The following IKZF3 variants were observed in gnomAD, a reference collection of about 807,000 sequenced individuals.
IKZF3 encodes the protein zinc finger protein Aiolos.
A neutral mutation model predicts 49.0 loss-of-function variants in IKZF3; 10 were observed. That is an observed-to-expected ratio of 0.20 (90% CI 0.13 to 0.35). IKZF3 has a LOEUF of 0.35. IKZF3 is among the 10% of genes least tolerant of loss of function. The probability of loss-of-function intolerance (pLI) is 1.00; values close to 1 mark genes in which losing one functional copy is unlikely to be tolerated. For synonymous variants in IKZF3, 209 were observed against 228.2 expected, an observed-to-expected ratio of 0.92 and a Z score of 0.76; for missense variants, 498 against 664.8, an observed-to-expected ratio of 0.75 and a Z score of 2.76.
intron 4 of IKZF3, 120 bp from the exon 5 acceptor site, chr17:39,791,703 G>GTAA: frequency 2.0e-6 from 2 of 1,006,050 alleles, no homozygotes; most frequent in South Asian, 1.6e-5. Context: ...ATTGGGATCA[G>GTAA]TTGGGAGCTG....
In IKZF3 at chr17:39,764,615, CTT is replaced by C. The variant is rs2060248618; in HGVS notation, c.*1173_*1174del. 6.6e-6 allele frequency: 1 copy of C among 152,088 alleles called. No homozygotes were observed. The highest frequency in any genetic ancestry group is 1.5e-5 in the Non-Finnish European group (1 of 68,024). The allele number at this position is 152,088 out of a possible 1,614,324, so 9.4% of individuals were successfully genotyped here. On this transcript the variant is annotated 3_prime_UTR_variant, in exon 8 of 8. Transcript: ENST00000346872. ...TACATATTATGAGTGACAAGGATGA[CTT>C]ATACATCTGCAGAACCGTGATCAGA...
At chr17:39,826,918 G>A (rs1206922114) in intron 3 of IKZF3, among the ~76,000 whole-genome samples, 1 of 152,196 alleles carries the variant, frequency 6.6e-6, no homozygotes, top group East Asian at 1.9e-4. Flanking sequence ...ATTCCCCAGG[G>A]GGAAGACCCC....
chr17:39,864,005 T>C, intron 1 of IKZF3, 115 bp downstream of exon 1: 1 of 1,381,504 alleles, frequency 7.2e-7, no homozygotes, highest in Non-Finnish European at 1.0e-6. Flanking sequence ...ATATTTACTT[T>C]TGACAAAAGA....
intron 7 of IKZF3, among the ~76,000 whole-genome samples, chr17:39,771,213 G>A (rs1172538088): frequency 2.0e-5 from 3 of 152,226 alleles, no homozygotes; most frequent in African/African-American, 7.2e-5. Flanking sequence ...TGCTGTGATG[G>A]TTCCCATAGC....
At chr17:39,777,910 C>T (rs1249383279) in intron 6 of IKZF3, 143 bp from the exon 7 acceptor site, 1 of 1,388,850 alleles carries the variant, frequency 7.2e-7, no homozygotes. Flanking sequence ...AGATTCTTGC[C>T]TGGGGTACCT....
intron 6 of IKZF3, among the ~76,000 whole-genome samples, chr17:39,786,488 C>T (rs773779228): frequency 2.6e-5 from 4 of 152,300 alleles, no homozygotes; most frequent in South Asian, 4.1e-4. Flanking sequence ...GCCTACATTC[C>T]GTCCTTGAGC....
At chr17:39,821,479 G>T (rs1462066036) in intron 3 of IKZF3, among the ~76,000 whole-genome samples, 3 of 152,144 alleles carry the variant, frequency 2.0e-5, no homozygotes, top group Non-Finnish European at 4.4e-5. Context: ...GTTACTAAAG[G>T]TAAAAGTTAC....
chr17:39,775,560 C>T (rs1013542133), intron 7 of IKZF3, among the ~76,000 whole-genome samples: 4 of 152,100 alleles, frequency 2.6e-5, no homozygotes, highest in South Asian at 2.1e-4. Context: ...TTAGGGCAAC[C>T]GAAAATACTA....
At chr17:39,781,236 G>A (rs1189692288) in intron 6 of IKZF3, among the ~76,000 whole-genome samples, 1 of 152,164 alleles carries the variant, frequency 6.6e-6, no homozygotes, top group East Asian at 1.9e-4. Context: ...ACTACCCAAA[G>A]CCCCAAGAGC....
intron 3 of IKZF3, among the ~76,000 whole-genome samples, chr17:39,824,910 T>C (rs549632451): frequency 6.6e-6 from 1 of 152,244 alleles, no homozygotes. Flanking sequence ...TTAGCCAGGA[T>C]GATCTCGATC....
intron 1 of IKZF3, among the ~76,000 whole-genome samples, chr17:39,853,694 G>C (rs1294097842): frequency 1.3e-5 from 2 of 151,982 alleles, no homozygotes; most frequent in Non-Finnish European, 2.9e-5. Context: ...AATTAGCCAG[G>C]CGTGGTGGCA....
chr17:39,812,858 G>C (rs1316656979), intron 3 of IKZF3, among the ~76,000 whole-genome samples: 1 of 152,172 alleles, frequency 6.6e-6, no homozygotes, highest in Non-Finnish European at 1.5e-5. Context: ...CAGAACTTTG[G>C]GAGGCCGAGG....
rs538038685 is a variant in IKZF3 at position 39,766,397 on chromosome 17, A to G, written c.923T>C (p.Ile308Thr). 2 of 1,614,142 alleles carry G rather than the reference A, an allele frequency of 1.2e-6. No homozygotes were observed. The highest frequency in any genetic ancestry group is 2.2e-5 in the South Asian group (2 of 91,090). Residue 308 changes from isoleucine to threonine, a missense_variant, in exon 8 of 8, where the codon ATC (isoleucine) becomes ACC (threonine). Physicochemically the swap from Ile to Thr is moderately conservative, Grantham distance 89. Coordinates refer to ENST00000346872, the MANE Select transcript of IKZF3 (RefSeq NM_012481.5). ...LIQTRMMDQA[I>T]NNAISYLGAE... is the part of the protein sequence containing the mutation. Reference sequence around the variant, plus strand: ...GCCAAGATAGCTGATGGCGTTATTGATGGCTTGGTCCATCATGCGGGTCTG... The same window carrying G: ...GCCAAGATAGCTGATGGCGTTATTGGTGGCTTGGTCCATCATGCGGGTCTG...
chr17:39,762,457 T>C lies in IKZF3; in HGVS notation c.*3333A>G, dbSNP rs2060202600. On this transcript the variant is annotated 3_prime_UTR_variant, in exon 8 of 8. Transcript: ENST00000346872. ...AAAGTGCCTTTGTGAGTGGTCACCT[T>C]ACTCAGAAAACTAACCTCAGAAGAA... The C allele has an allele frequency of 6.6e-6, 1 of 152,168 alleles. No homozygotes were observed. The highest frequency in any genetic ancestry group is 1.5e-5 in the Non-Finnish European group (1 of 68,038). The allele number at this position is 152,168 out of a possible 1,614,324, so 9.4% of individuals were successfully genotyped here. A position where few individuals can be genotyped will look rare whatever the true frequency, so the allele number is the denominator to read the frequency against.
At chr17:39,844,178 A>T (rs2062561134) in intron 1 of IKZF3, among the ~76,000 whole-genome samples, 1 of 152,158 alleles carries the variant, frequency 6.6e-6, no homozygotes, top group South Asian at 2.1e-4. Flanking sequence ...GCTTTGAAAT[A>T]TTTTCCAAAA....
chr17:39,862,133 A>C (rs1165643258), intron 1 of IKZF3, among the ~76,000 whole-genome samples: 1 of 152,198 alleles, frequency 6.6e-6, no homozygotes, highest in Non-Finnish European at 1.5e-5. Context: ...AAAAAGTTAT[A>C]GCTTCTGATT....
chr17:39,784,823 C>A (rs2060834998), intron 6 of IKZF3, among the ~76,000 whole-genome samples: 1 of 152,190 alleles, frequency 6.6e-6, no homozygotes, highest in Non-Finnish European at 1.5e-5. Flanking sequence ...AAATGATTAG[C>A]AAGGCCAGAA....
At chr17:39,800,595 C>A (rs1390189605) in intron 3 of IKZF3, among the ~76,000 whole-genome samples, 1 of 152,102 alleles carries the variant, frequency 6.6e-6, no homozygotes, top group Non-Finnish European at 1.5e-5. Context: ...CTCTAGGGTA[C>A]AATTGCTCCC....
intron 7 of IKZF3, among the ~76,000 whole-genome samples, chr17:39,769,307 T>C (rs576361645): frequency 6.6e-6 from 1 of 152,172 alleles, no homozygotes; most frequent in African/African-American, 2.4e-5. Context: ...CAGTGAGAAA[T>C]TGGAGCCAGA....
Sources: gnomAD v4.1 joint callset for allele counts (sites outside exome capture counted in the v4.1 genomes callset) on GRCh38, gnomAD v4.1.1 for gene constraint, MANE v1.5 for transcripts, NCBI Gene and HGNC (gene_info 2026-07-23, HGNC 2026-07-21) for gene names.